The following HACD3 variants were observed in gnomAD, a reference collection of about 807,000 sequenced individuals.
The protein encoded by HACD3 is 3-hydroxyacyl-CoA dehydratase 3, also known as very-long-chain (3R)-3-hydroxyacyl-CoA dehydratase 3.
Under a neutral mutation model 55.2 loss-of-function variants are expected in HACD3, and 30 were observed. The ratio of observed to expected loss-of-function variants is 0.54; its 90% CI spans 0.41 to 0.74. HACD3 has a LOEUF of 0.74. HACD3 is among the 30% of genes least tolerant of loss of function. HACD3 has a pLI of 0.00. For missense variants in HACD3, 363 were observed against 440.1 expected (o/e 0.82, Z 1.57); for synonymous variants, 141 against 151.7 (o/e 0.93, Z 0.52).
chr15:65,570,004 T>C, intron 7 of HACD3, 87 bp from the exon 8 acceptor site: 1 of 840,572 alleles, frequency 1.2e-6, no homozygotes, highest in Non-Finnish European at 1.8e-6. Context: ...GCCTTGCATT[T>C]AGTGGGGTTA....
chr15:65,531,964 C>G (rs1286749757), intron 1 of HACD3, among the ~76,000 whole-genome samples: 4 of 152,086 alleles, frequency 2.6e-5, no homozygotes, highest in Admixed American at 2.0e-4. Flanking sequence ...CTCTCTGCCT[C>G]TGAACAGGCA....
At chr15:65,555,112 G>A (rs908474846) in intron 3 of HACD3, among the ~76,000 whole-genome samples, 152 bp downstream of exon 3, 21 of 152,254 alleles carry the variant, frequency 1.4e-4, no homozygotes, top group Non-Finnish European at 2.4e-4. Context: ...CCAGGTTTTA[G>A]CTGCAGAGGA....
At chr15:65,566,753 AT>A (rs979314396) in intron 7 of HACD3, 2 of 152,202 alleles carry the variant, frequency 1.3e-5, no homozygotes, top group African/African-American at 4.8e-5. Context: ...GAATAGCATT[AT>A]TTTACCTGAA....
intron 1 of HACD3, among the ~76,000 whole-genome samples, chr15:65,549,885 AC>A (rs1318805501): frequency 1.3e-5 from 2 of 152,188 alleles, no homozygotes; most frequent in African/African-American, 4.8e-5. Context: ...AAACTTGAGA[AC>A]CCTCAAGCCA....
intron 1 of HACD3, among the ~76,000 whole-genome samples, chr15:65,541,344 T>C (rs1046723976): frequency 6.6e-6 from 1 of 152,196 alleles, no homozygotes; most frequent in Non-Finnish European, 1.5e-5. Context: ...ATTTTTAATT[T>C]ATTGAAAGAG....
At position 65,576,214 on chromosome 15, in the gene HACD3, C is replaced by T. The variant is rs898170112; in HGVS notation, c.1013-89C>T. 70 of 1,510,294 alleles carry T rather than the reference C, an allele frequency of 4.6e-5. No individual in the cohort carries two copies. The Admixed American group carries it at 6.5e-4, about 14-fold the overall frequency. The allele number at this position is 1,510,294 out of a possible 1,614,324, so 93.6% of individuals were successfully genotyped here. ...ATAAGCTTTTTGCTGTGGAATATGA[C>T]GACAGCTAGATACTGTCCCTGCCAC... On this transcript the variant is annotated intron_variant, in intron 10 of 10. Coordinates refer to ENST00000261875, the MANE Select transcript of HACD3 (RefSeq NM_016395.4).
chr15:65,556,655 C>G (rs1218521981), intron 3 of HACD3, 84 bp from the exon 4 acceptor site: 1 of 1,333,692 alleles, frequency 7.5e-7, no homozygotes, highest in African/African-American at 1.5e-5. Context: ...ATATATCCTG[C>G]AGCTTCTATG....
chr15:65,565,039 G>T (rs2072278181), intron 7 of HACD3: 1 of 152,230 alleles, frequency 6.6e-6, no homozygotes, highest in African/African-American at 2.4e-5. Context: ...CAGTGCCCAT[G>T]CAAGTCTGAA....
chr15:65,547,197 A>T (rs1051020706), intron 1 of HACD3, among the ~76,000 whole-genome samples: 1 of 151,756 alleles, frequency 6.6e-6, no homozygotes, highest in Admixed American at 6.6e-5. Flanking sequence ...GCTCACTGCA[A>T]CCTCCGCCTC....
chr15:65,567,649 T>C (rs1168370847), intron 7 of HACD3, among the ~76,000 whole-genome samples: 2 of 152,190 alleles, frequency 1.3e-5, no homozygotes, highest in East Asian at 3.8e-4. Flanking sequence ...AACCCAAGTG[T>C]TCATCTACAG....
intron 1 of HACD3, 68 bp from the exon 2 acceptor site, chr15:65,551,608 C>G: frequency 6.4e-7 from 1 of 1,564,508 alleles, no homozygotes; most frequent in East Asian, 2.2e-5. Context: ...GGGGAAGAAG[C>G]CCCTTGTTTA....
intron 8 of HACD3, among the ~76,000 whole-genome samples, chr15:65,571,138 G>T (rs993098853): frequency 6.6e-6 from 1 of 152,170 alleles, no homozygotes; most frequent in Admixed American, 6.5e-5. Context: ...CTCAAGGGAT[G>T]TCTTTTAAAA....
chr15:65,546,732 T>G (rs2072080831), intron 1 of HACD3, among the ~76,000 whole-genome samples: 2 of 152,178 alleles, frequency 1.3e-5, no homozygotes. Context: ...TGAGCCACCA[T>G]GCCTGGCCTA....
chr15:65,553,835 C>G (rs1203539483), intron 2 of HACD3, among the ~76,000 whole-genome samples: 1 of 152,044 alleles, frequency 6.6e-6, no homozygotes, highest in Non-Finnish European at 1.5e-5. Flanking sequence ...GTAAATGAAT[C>G]AGAGAGGAGA....
At chr15:65,561,326 C>T (rs1252875224) in intron 5 of HACD3, among the ~76,000 whole-genome samples, 1 of 151,920 alleles carries the variant, frequency 6.6e-6, no homozygotes. Flanking sequence ...ATTAGCCGGG[C>T]GTGGTGGCGG....
intron 1 of HACD3, among the ~76,000 whole-genome samples, chr15:65,543,642 A>G (rs1316936548): frequency 1.3e-5 from 2 of 152,204 alleles, no homozygotes; most frequent in African/African-American, 2.4e-5. Flanking sequence ...ACCTCAGTGT[A>G]CTTAGATCAT....
At chr15:65,544,297 T>C (rs2072051824) in intron 1 of HACD3, among the ~76,000 whole-genome samples, 1 of 152,236 alleles carries the variant, frequency 6.6e-6, no homozygotes, top group Non-Finnish European at 1.5e-5. Flanking sequence ...GATCTAGAGC[T>C]GTTCAGTCTC....
chr15:65,578,215 A>T lies in HACD3; in HGVS notation c.*1836A>T, dbSNP rs1001709442. ...TGCAGCTGACTACGTGTAATTGGGCAGATCAGCTTTGCAGTAGATTATGCT... is the reference window on the plus strand; with the variant it reads ...TGCAGCTGACTACGTGTAATTGGGCTGATCAGCTTTGCAGTAGATTATGCT... On this transcript the variant is annotated 3_prime_UTR_variant, in exon 11 of 11. Transcript: ENST00000261875. 3 of 152,238 alleles carry T rather than the reference A, an allele frequency of 2.0e-5. No individual in the cohort carries two copies. Among genetic ancestry groups the T allele is most frequent in the Non-Finnish European group, 2.9e-5 (2 of 68,048 alleles). The allele number at this position is 152,238 out of a possible 1,614,324, so 9.4% of individuals were successfully genotyped here.
At chr15:65,555,096 C>A in intron 3 of HACD3, 136 bp downstream of exon 3, 1 of 708,416 alleles carries the variant, frequency 1.4e-6, no homozygotes, top group Non-Finnish European at 2.3e-6. Flanking sequence ...TTATTTGGAA[C>A]AGAGCCCAGG....
Sources: gnomAD v4.1 joint callset for allele counts (sites outside exome capture counted in the v4.1 genomes callset) on GRCh38, gnomAD v4.1.1 for gene constraint, MANE v1.5 for transcripts, NCBI Gene and HGNC (gene_info 2026-07-23, HGNC 2026-07-21) for gene names.